SLC25A36: variants seen among roughly 807,000 people sequenced by gnomAD.
SLC25A36 encodes the protein solute carrier family 25 member 36.
In SLC25A36, 24 loss-of-function variants were observed where a neutral mutation model predicts 35.3. The ratio of observed to expected loss-of-function variants is 0.68; its 90% CI spans 0.49 to 0.96. SLC25A36 has a LOEUF of 0.96. SLC25A36 is among the 40% of genes least tolerant of loss of function. The pLI is 0.00. For missense variants in SLC25A36, 294 were observed against 381.1 expected (o/e 0.77, Z 1.90); for synonymous variants, 141 against 132.2 (o/e 1.07, Z -0.46).
rs2107823726 is a variant in SLC25A36 at position 140,978,193 on chromosome 3, T to C, written c.*1740T>C. 6.6e-6 allele frequency: 1 copy of C among 152,252 alleles called. No homozygotes were observed. The highest frequency in any genetic ancestry group is 2.4e-5 in the African/African-American group (1 of 41,550). 9.4% of individuals were successfully genotyped at this position (152,252 alleles called of 1,614,324 possible). ...CAACAGTAACTGGATGTTTTTGAGGTGCTCAATTGGAATAAAAATATTCCA... is the reference window on the plus strand; with the variant it reads ...CAACAGTAACTGGATGTTTTTGAGGCGCTCAATTGGAATAAAAATATTCCA... On this transcript the variant is annotated 3_prime_UTR_variant, in exon 7 of 7. Transcript: ENST00000324194.
intron 5 of SLC25A36, among the ~76,000 whole-genome samples, chr3:140,972,397 A>G (rs781022510): frequency 5.9e-5 from 9 of 152,126 alleles, no homozygotes; most frequent in Non-Finnish European, 1.2e-4. Context: ...GCAGTGGATC[A>G]TGCCTGTAAT....
chr3:140,972,647 T>TA (rs1036855826), intron 5 of SLC25A36: 2 of 151,916 alleles, frequency 1.3e-5, no homozygotes, highest in African/African-American at 4.8e-5. Flanking sequence ...AAAAAATTAA[T>TA]AAAAAAATAA....
intron 1 of SLC25A36, 75 bp from the exon 2 acceptor site, chr3:140,956,452 A>G: frequency 1.5e-6 from 2 of 1,347,122 alleles, no homozygotes; most frequent in Non-Finnish European, 1.9e-6. Context: ...ACCCATGTGG[A>G]TTACAGCTCT....
chr3:140,968,764 AC>A (rs1468576384), intron 4 of SLC25A36: 1 of 927,836 alleles, frequency 1.1e-6, no homozygotes, highest in African/African-American at 1.8e-5. Context: ...TAGAAGTAGA[AC>A]TTTTATTTAA....
intron 2 of SLC25A36, chr3:140,956,900 CAT>C (rs1934495148): frequency 1.3e-6 from 1 of 786,880 alleles, no homozygotes; most frequent in Non-Finnish European, 1.7e-6. Flanking sequence ...ACTTCCAAAT[CAT>C]GTGTATTTAG....
intron 1 of SLC25A36, among the ~76,000 whole-genome samples, chr3:140,950,365 G>T (rs562790376): frequency 6.7e-6 from 1 of 150,022 alleles, no homozygotes; most frequent in South Asian, 2.1e-4. Context: ...GTGTTCATCT[G>T]TCAGTCTTTT....
At chr3:140,963,285 T>C (rs1224691717) in intron 4 of SLC25A36, 58 bp downstream of exon 4, 1 of 1,049,556 alleles carries the variant, frequency 9.5e-7, no homozygotes, top group African/African-American at 1.7e-5. Context: ...AGGCTTAATA[T>C]TGAATTATAA....
At chr3:140,960,634 A>G (rs953196266) in intron 3 of SLC25A36, among the ~76,000 whole-genome samples, 1 of 152,216 alleles carries the variant, frequency 6.6e-6, no homozygotes, top group East Asian at 1.9e-4. Flanking sequence ...AAAGGAAGCT[A>G]TTCAAGGAAG....
At chr3:140,956,931 C>T (rs1295544001) in intron 2 of SLC25A36, 2 of 568,232 alleles carry the variant, frequency 3.5e-6, no homozygotes, top group Non-Finnish European at 2.5e-6. Context: ...TACATTTATC[C>T]AGTGGAGTTT....
At chr3:140,949,276 A>G (rs1475250762) in intron 1 of SLC25A36, among the ~76,000 whole-genome samples, 1 of 152,194 alleles carries the variant, frequency 6.6e-6, no homozygotes, top group Non-Finnish European at 1.5e-5. Context: ...TAGACAGTTA[A>G]ACTCTAAAAA....
chr3:140,974,249 T>C (rs1934980063), intron 6 of SLC25A36, among the ~76,000 whole-genome samples: 1 of 152,082 alleles, frequency 6.6e-6, no homozygotes, highest in South Asian at 2.1e-4. Context: ...CTTACTCACT[T>C]CAGCTTGGTG....
chr3:140,951,590 C>T (rs924976967), intron 1 of SLC25A36, among the ~76,000 whole-genome samples: 5 of 151,738 alleles, frequency 3.3e-5, no homozygotes, highest in Non-Finnish European at 1.5e-5. Context: ...TTCAAACAGT[C>T]CTCCCACCTC....
Position 140,973,910 on chromosome 3 carries a change from A to G in SLC25A36, c.647A>G (p.Asp216Gly). ...AAGACTGCTTCTACAATGGAAAATG[A>G]TGAAGAGTCTGTGAAAGAAGCATCA... is the stretch of plus-strand genomic sequence containing the variant. The part of the protein sequence containing the change: ...EYKTASTMEN[D>G]EESVKEASDF... The change falls in exon 6 of 7, where the codon GAT (aspartate) becomes GGT (glycine). Residue 216 changes from aspartate to glycine, a missense_variant. By Grantham distance (94) the Asp-to-Gly change is moderately conservative (BLOSUM62 -1). This residue lies in a region of SLC25A36 where 109 missense variants were observed against 179.7 expected (regional missense o/e 0.61). Transcript: ENST00000324194. 1.2e-6 allele frequency: 2 copies of G among 1,612,692 alleles called. No homozygotes were observed. Among genetic ancestry groups the G allele is most frequent in the Non-Finnish European group, 1.7e-6 (2 of 1,179,106 alleles).
rs1453771508 is a variant in SLC25A36, at chr3:140,979,472, T to A, written c.*3019T>A. ...ATCTAGGGACCCCCTTTGGAGCTGA[T>A]AAGTACAGTTCAGCCTTTTCTCCTC... On this transcript the variant is annotated 3_prime_UTR_variant, in exon 7 of 7. Coordinates refer to ENST00000324194, the MANE Select transcript of SLC25A36 (RefSeq NM_001104647.3). 6.6e-6 allele frequency: 1 copy of A among 152,202 alleles called. No individual in the cohort carries two copies. Among genetic ancestry groups the A allele is most frequent in the African/African-American group, 2.4e-5 (1 of 41,458 alleles). 9.4% of individuals were successfully genotyped at this position (152,202 alleles called of 1,614,324 possible). A position where few individuals can be genotyped will look rare whatever the true frequency, so the allele number is the denominator to read the frequency against.
At chr3:140,951,862 C>A (rs1367113819) in intron 1 of SLC25A36, among the ~76,000 whole-genome samples, 1 of 152,040 alleles carries the variant, frequency 6.6e-6, no homozygotes, top group Non-Finnish European at 1.5e-5. Context: ...GAGACAGGGT[C>A]TCACTCTTTG....
At chr3:140,959,386 C>CTT (rs778247978) in intron 2 of SLC25A36, 77 bp from the exon 3 acceptor site, 33 of 816,184 alleles carry the variant, frequency 4.0e-5, no homozygotes, top group Non-Finnish European at 5.6e-5. Context: ...GATTTAGACT[C>CTT]TAACTTTATA....
At chr3:140,973,443 AT>A (rs1934957401) in intron 5 of SLC25A36, among the ~76,000 whole-genome samples, 1 of 152,158 alleles carries the variant, frequency 6.6e-6, no homozygotes, top group Admixed American at 6.5e-5. Context: ...TTTGTTGCTT[AT>A]CCCTGCCATG....
intron 1 of SLC25A36, among the ~76,000 whole-genome samples, chr3:140,949,671 A>G (rs1212868660): frequency 1.3e-5 from 2 of 152,222 alleles, no homozygotes; most frequent in Admixed American, 1.3e-4. Context: ...TTAGATTCGT[A>G]ACCAAGAAAC....
In SLC25A36 at chr3:140,954,902, A is replaced by G. The variant is rs148013406; in HGVS notation, c.42-1625A>G. Among the ~76,000 whole-genome samples the G allele has an allele frequency of 8.9e-3, 1,358 of 152,176 alleles. 18 individuals are homozygous for G. The highest frequency in any genetic ancestry group is 0.023 in the African/African-American group (965 of 41,544). The stretch of plus-strand genomic sequence containing the variant: ...GTGCTTCTTTTGATGTCCATATAAG[A>G]AGTCTGTGCCTAACGCAAAGTTAAA... On this transcript the variant is annotated intron_variant, in intron 1 of 6. Transcript: ENST00000324194.
Sources: allele counts gnomAD v4.1 joint callset (sites outside exome capture counted in the v4.1 genomes callset), GRCh38; gene constraint gnomAD v4.1.1; regional missense constraint gnomAD v4.1.1; transcripts MANE v1.5; gene names NCBI Gene and HGNC (gene_info 2026-07-23, HGNC 2026-07-21).